CDH18: variants seen among roughly 807,000 people sequenced by gnomAD.
CDH18 encodes cadherin-18.
In CDH18, 31 loss-of-function variants were observed where a neutral mutation model predicts 67.9. The observed-to-expected ratio is 0.46, with a 90% CI of 0.34 to 0.62. The LOEUF (loss-of-function observed/expected upper bound fraction) is 0.62, where lower values mean the gene tolerates loss of function less well. Among genes scored for constraint, CDH18 ranks in the 20% least tolerant of loss-of-function variants. The pLI, the probability that CDH18 is intolerant of heterozygous loss-of-function variation, is 0.01. For missense variants in CDH18, 890 were observed against 975.5 expected, an observed-to-expected ratio of 0.91 and a Z score of 1.17; for synonymous variants, 362 against 347.2, an observed-to-expected ratio of 1.04 and a Z score of -0.48.
intron 5 of CDH18, among the ~76,000 whole-genome samples, chr5:19,657,524 C>T (rs1015770708): frequency 2.0e-5 from 3 of 151,930 alleles, no homozygotes; most frequent in Admixed American, 6.6e-5. Flanking sequence ...AAATATTTAT[C>T]AATTTGTTTT....
In CDH18 at chr5:19,600,924, G is replaced by C. The variant is rs550931599; in HGVS notation, c.812-9680C>G. Among the ~76,000 whole-genome samples, 6 of 152,242 alleles carry C rather than the reference G, an allele frequency of 3.9e-5. No individual in the cohort carries two copies. In the East Asian group the frequency reaches 7.7e-4, roughly 20 times the overall value. On this transcript the variant is annotated intron_variant, in intron 6 of 12. Coordinates refer to ENST00000382275, the MANE Select transcript of CDH18 (RefSeq NM_004934.5). ...TGTACACATTTGAATATTTCCCAGA[G>C]TTTTTATAAGTTTAGCTCAGCTAGT...
At chr5:20,529,969 T>C (rs1166698700) in intron 1 of CDH18, among the ~76,000 whole-genome samples, 1 of 152,038 alleles carries the variant, frequency 6.6e-6, no homozygotes, top group South Asian at 2.1e-4. Flanking sequence ...GCAGATGACA[T>C]GATCCTCTAT....
chr5:20,320,743 G>A (rs956254203), intron 1 of CDH18, among the ~76,000 whole-genome samples: 10 of 152,096 alleles, frequency 6.6e-5, no homozygotes, highest in Admixed American at 1.3e-4. Context: ...ACCCAGCTCC[G>A]TAGCTGCTGC....
intron 2 of CDH18, among the ~76,000 whole-genome samples, chr5:20,170,376 A>G (rs1038303211): frequency 6.6e-6 from 1 of 152,106 alleles, no homozygotes; most frequent in African/African-American, 2.4e-5. Context: ...TTTTGGCTGC[A>G]TAGTATTTCA....
At chr5:20,070,043 T>C (rs1743339131) in intron 2 of CDH18, among the ~76,000 whole-genome samples, 1 of 152,194 alleles carries the variant, frequency 6.6e-6, no homozygotes, top group South Asian at 2.1e-4. Context: ...CTAGAAATTT[T>C]CTGTGCTCTA....
chr5:20,257,303 G>A (rs1383748870), intron 1 of CDH18, among the ~76,000 whole-genome samples: 15 of 151,988 alleles, frequency 9.9e-5, no homozygotes, highest in Admixed American at 9.8e-4. Context: ...AAGCAGCAAA[G>A]ATTTCCAATA....
intron 7 of CDH18, among the ~76,000 whole-genome samples, chr5:19,588,374 C>T (rs1342665474): frequency 6.6e-6 from 1 of 151,894 alleles, no homozygotes; most frequent in Admixed American, 6.6e-5. Flanking sequence ...TCATTACCAC[C>T]ATATCTGCCT....
At chr5:19,767,654 A>G (rs1040596475) in intron 3 of CDH18, among the ~76,000 whole-genome samples, 23 of 152,234 alleles carry the variant, frequency 1.5e-4, no homozygotes, top group African/African-American at 5.3e-4. Context: ...GGACACAATT[A>G]AAATAAAAAC....
At chr5:19,713,868 T>C (rs571027194) in intron 5 of CDH18, among the ~76,000 whole-genome samples, 119 of 152,240 alleles carry the variant, frequency 7.8e-4, no homozygotes, top group Admixed American at 1.5e-3. Flanking sequence ...GAGAGCAGTG[T>C]GCTCTCTCTG....
At position 20,563,321 on chromosome 5, in the gene CDH18, TA is replaced by T. The variant is rs371076244; in HGVS notation, c.-580+12140del. The stretch of plus-strand genomic sequence containing the variant: ...TAACAAAAGTCTGAAATTTACAAGT[TA>T]AAATGTAGACAAACAATTGTTTCTT... On this transcript the variant is annotated intron_variant, in intron 1 of 14. Transcript: ENST00000507958. Among the ~76,000 whole-genome samples the T allele has an allele frequency of 4.7e-3, 711 of 152,224 alleles. 4 individuals are homozygous for T. Among genetic ancestry groups the T allele is most frequent in the African/African-American group, 0.016 (669 of 41,556 alleles).
At chr5:19,497,727 T>C (rs1420962823) in intron 11 of CDH18, among the ~76,000 whole-genome samples, 1 of 152,210 alleles carries the variant, frequency 6.6e-6, no homozygotes, top group Non-Finnish European at 1.5e-5. Flanking sequence ...TATGTAATTC[T>C]AGGCATAAAC....
At position 19,721,389 on chromosome 5, in the gene CDH18, T is replaced by C. The variant is rs781079961; in HGVS notation, c.601A>G (p.Ile201Val). ...GAGAAGTAGGGTTGTCCTTGGAGAA[T>C]GCTGTAAACCACCCGAGCGCTGTTT... ...YGNSARVVYS[I>V]LQGQPYFSVD... The change falls in exon 5 of 13, where the codon ATT becomes GTT. Residue 201 changes from isoleucine (I) to valine (V), a missense_variant. This residue lies in a region of CDH18 where 234 missense variants were observed against 307.4 expected (regional missense o/e 0.76). Coordinates refer to ENST00000382275, the MANE Select transcript of CDH18 (RefSeq NM_004934.5). 1.2e-6 allele frequency: 2 copies of C among 1,609,020 alleles called. No individual in the cohort carries two copies. The highest frequency in any genetic ancestry group is 2.2e-5 in the East Asian group (1 of 44,842).
chr5:20,264,667 T>C (rs758385310), intron 1 of CDH18, among the ~76,000 whole-genome samples: 4 of 151,984 alleles, frequency 2.6e-5, no homozygotes, highest in Non-Finnish European at 5.9e-5. Context: ...GTATCTAAAG[T>C]TTTCTATATG....
chr5:20,003,456 C>T lies in CDH18; in HGVS notation c.-517-11442G>A, dbSNP rs117350268. 3.9e-5 allele frequency among the ~76,000 whole-genome samples: 6 copies of T among 152,148 alleles called. No homozygotes were observed. The East Asian group carries it at 9.7e-4, about 25-fold the overall frequency. ...ACACAGACTTCAAATGGGCAAATGT[C>T]TCTTCCTAGTAATTGTACTATATTT... On this transcript the variant is annotated intron_variant, in intron 2 of 14. Coordinates refer to the CDH18 transcript ENST00000507958.
intron 2 of CDH18, among the ~76,000 whole-genome samples, chr5:20,213,219 G>T (rs1740491728): frequency 6.6e-6 from 1 of 152,170 alleles, no homozygotes; most frequent in Admixed American, 6.6e-5. Flanking sequence ...TAAAGAGAGA[G>T]AAGAGATGGG....
chr5:19,798,965 A>G (rs1042459068), intron 3 of CDH18, among the ~76,000 whole-genome samples: 12 of 152,224 alleles, frequency 7.9e-5, no homozygotes, highest in African/African-American at 2.9e-4. Flanking sequence ...TTATATATTA[A>G]TACTACATTT....
chr5:19,778,345 G>C (rs1774645865), intron 3 of CDH18, among the ~76,000 whole-genome samples: 1 of 152,096 alleles, frequency 6.6e-6, no homozygotes, highest in Non-Finnish European at 1.5e-5. Flanking sequence ...GGAAGTTTTA[G>C]CCAAGAAATT....
At chr5:19,660,268 T>C (rs1017152303) in intron 5 of CDH18, among the ~76,000 whole-genome samples, 1 of 152,102 alleles carries the variant, frequency 6.6e-6, no homozygotes, top group East Asian at 1.9e-4. Context: ...GTTCAACTCT[T>C]TCAGTTTCTA....
chr5:20,326,817 C>G (rs553685142), intron 1 of CDH18, among the ~76,000 whole-genome samples: 3 of 151,950 alleles, frequency 2.0e-5, no homozygotes, highest in African/African-American at 7.3e-5. Flanking sequence ...CTGGGATCAC[C>G]GGCTTGAGCC....
Sources: allele counts gnomAD v4.1 joint callset (sites outside exome capture counted in the v4.1 genomes callset), GRCh38; gene constraint gnomAD v4.1.1; regional missense constraint gnomAD v4.1.1; transcripts MANE v1.5; gene names NCBI Gene and HGNC (gene_info 2026-07-23, HGNC 2026-07-21).